Variants in SLCO6A1 observed in about 807,000 individuals in gnomAD.
SLCO6A1 encodes the protein solute carrier organic anion transporter family member 6A1, also known as cancer/testis antigen 48.
A neutral mutation model predicts 72.7 loss-of-function variants in SLCO6A1; 65 were observed. The observed-to-expected ratio is 0.89, with a 90% CI of 0.73 to 1.10. The LOEUF (loss-of-function observed/expected upper bound fraction) is 1.10, where lower values mean the gene tolerates loss of function less well. Ranked by LOEUF, SLCO6A1 falls within the 50% of genes least tolerant of loss-of-function variation. SLCO6A1 has a pLI of 0.00. For synonymous variants in SLCO6A1, 314 were observed against 298.2 expected (o/e 1.05, Z -0.55); for missense variants, 874 against 872.6 (o/e 1.00, Z -0.02).
intron 6 of SLCO6A1, among the ~76,000 whole-genome samples, chr5:102,450,888 T>C (rs891487517): frequency 6.6e-6 from 1 of 152,176 alleles, no homozygotes; most frequent in African/African-American, 2.4e-5. Flanking sequence ...AGTACAGCAC[T>C]CAGACCCTTT....
chr5:102,440,251 G>A (rs1411504726), intron 6 of SLCO6A1, among the ~76,000 whole-genome samples: 1 of 152,108 alleles, frequency 6.6e-6, no homozygotes, highest in East Asian at 1.9e-4. Context: ...AAGAGTAAGA[G>A]GCCAGTCCAT....
At chr5:102,475,245 A>G (rs747324642) in intron 4 of SLCO6A1, among the ~76,000 whole-genome samples, 3 of 152,112 alleles carry the variant, frequency 2.0e-5, no homozygotes, top group Non-Finnish European at 4.4e-5. Flanking sequence ...AATACAGTGG[A>G]GTATTATTCA....
At chr5:102,470,796 A>G (rs1022757054) in intron 4 of SLCO6A1, among the ~76,000 whole-genome samples, 1 of 152,066 alleles carries the variant, frequency 6.6e-6, no homozygotes, top group Non-Finnish European at 1.5e-5. Context: ...GCATCTCTAA[A>G]GAGTCCTATA....
At chr5:102,388,494 T>C (rs890569968) in intron 12 of SLCO6A1, among the ~76,000 whole-genome samples, 194 bp downstream of exon 12, 4 of 152,106 alleles carry the variant, frequency 2.6e-5, no homozygotes, top group African/African-American at 4.8e-5. Flanking sequence ...TGTGACACCA[T>C]ACTCGGCTAT....
intron 4 of SLCO6A1, among the ~76,000 whole-genome samples, chr5:102,461,580 G>A (rs779186226): frequency 6.6e-6 from 1 of 150,946 alleles, no homozygotes; most frequent in Non-Finnish European, 1.5e-5. Context: ...TGTTTGTCAG[G>A]GAATAGATTA....
chr5:102,393,861 T>C (rs1185199901), intron 10 of SLCO6A1, among the ~76,000 whole-genome samples: 1 of 152,176 alleles, frequency 6.6e-6, no homozygotes, highest in Non-Finnish European at 1.5e-5. Flanking sequence ...GATGGAAAGA[T>C]ACAGATACAT....
intron 1 of SLCO6A1, among the ~76,000 whole-genome samples, chr5:102,491,451 G>A (rs1187371537): frequency 1.3e-5 from 2 of 152,232 alleles, no homozygotes; most frequent in African/African-American, 2.4e-5. Flanking sequence ...GGCGGCACTC[G>A]TTGGGGAGGC....
chr5:102,459,069 G>A (rs1750888123), intron 5 of SLCO6A1, among the ~76,000 whole-genome samples: 1 of 152,002 alleles, frequency 6.6e-6, no homozygotes, highest in Non-Finnish European at 1.5e-5. Context: ...TAGATATAAA[G>A]CATCTTTAAA....
intron 6 of SLCO6A1, among the ~76,000 whole-genome samples, chr5:102,448,315 T>C (rs1750227857): frequency 6.6e-6 from 1 of 152,214 alleles, no homozygotes; most frequent in Non-Finnish European, 1.5e-5. Context: ...TTAGAGGATG[T>C]GCCATGTGCA....
At position 102,384,129 on chromosome 5, in the gene SLCO6A1, CTCTT is replaced by C. The variant is rs149300118; in HGVS notation, c.2017+4555_2017+4558del. On this transcript the variant is annotated intron_variant, in intron 12 of 13. Coordinates refer to ENST00000506729, the MANE Select transcript of SLCO6A1 (RefSeq NM_173488.5). ...TTAATTTATTTTAGCAAAAATCCAA[CTCTT>C]TATTTTGTTATTTTTTTCTATTATT... Among the ~76,000 whole-genome samples, 602 of 151,896 alleles carry C rather than the reference CTCTT, an allele frequency of 4.0e-3. 4 individuals are homozygous for C. Among genetic ancestry groups the C allele is most frequent in the African/African-American group, 0.014 (571 of 41,526 alleles).
chr5:102,475,782 A>G lies in SLCO6A1; in HGVS notation c.814T>C (p.Cys272Arg). ...AGAGCATATCCAATCATTGATGTACATTCTGCAATACCTGTAAAATAAGCA... is the reference window on the plus strand; with the variant it reads ...AGAGCATATCCAATCATTGATGTACGTTCTGCAATACCTGTAAAATAAGCA... ...SAGIYLGIAECTSMIGYALGY... is the reference protein window; with the variant it reads ...SAGIYLGIAERTSMIGYALGY... Residue 272 changes from cysteine to arginine, a missense_variant, in exon 4 of 14, where the codon TGT becomes CGT. Coordinates refer to ENST00000506729, the MANE Select transcript of SLCO6A1 (RefSeq NM_173488.5). 6.2e-7 allele frequency: 1 copy of G among 1,605,178 alleles called. No homozygotes were observed. The highest frequency in any genetic ancestry group is 8.5e-7 in the Non-Finnish European group (1 of 1,175,470).
At chr5:102,496,842 A>T (rs1752931845) in intron 1 of SLCO6A1, among the ~76,000 whole-genome samples, 1 of 152,222 alleles carries the variant, frequency 6.6e-6, no homozygotes, top group Non-Finnish European at 1.5e-5. Flanking sequence ...ATTGTGAAAC[A>T]AGCCTTTCTA....
intron 7 of SLCO6A1, among the ~76,000 whole-genome samples, chr5:102,438,145 A>G (rs1472338137): frequency 2.0e-5 from 3 of 152,110 alleles, no homozygotes; most frequent in Admixed American, 6.6e-5. Flanking sequence ...TACATAAACA[A>G]TAGTATACTC....
chr5:102,405,103 T>C (rs1747603308), intron 9 of SLCO6A1, among the ~76,000 whole-genome samples: 1 of 152,104 alleles, frequency 6.6e-6, no homozygotes, highest in South Asian at 2.1e-4. Flanking sequence ...GAGTCCCTTT[T>C]CTGACATAAT....
chr5:102,431,176 C>G lies in SLCO6A1; in HGVS notation c.1276+7441G>C, dbSNP rs544381947. ...CATTTCTAATTGTGTTTATTTGGATCTTCTCTCTTATTAATTTTTCAAAAA... is the reference window on the plus strand; with the variant it reads ...CATTTCTAATTGTGTTTATTTGGATGTTCTCTCTTATTAATTTTTCAAAAA... On this transcript the variant is annotated intron_variant, in intron 7 of 13. Transcript: ENST00000506729. Among the ~76,000 whole-genome samples the G allele has an allele frequency of 2.4e-3, 359 of 149,820 alleles. 5 individuals are homozygous for G. Among genetic ancestry groups the G allele is most frequent in the Non-Finnish European group, 2.7e-3 (178 of 66,568 alleles).
At position 102,459,646 on chromosome 5, in the gene SLCO6A1, T is replaced by G. The variant is rs562604297; in HGVS notation, c.1021+10A>C. ...ATCCTCCAATTTAATAAATTACATTTTATAGTCACCTGGCATATTGTTTGG... is the reference window on the plus strand; with the variant it reads ...ATCCTCCAATTTAATAAATTACATTGTATAGTCACCTGGCATATTGTTTGG... On this transcript the variant is annotated intron_variant, in intron 5 of 13. Transcript: ENST00000506729. 1 of 1,575,606 alleles carries G rather than the reference T, an allele frequency of 6.3e-7. No individual in the cohort carries two copies. Among genetic ancestry groups the G allele is most frequent in the South Asian group, 1.2e-5 (1 of 84,408 alleles).
At chr5:102,433,287 T>C (rs976824042) in intron 7 of SLCO6A1, among the ~76,000 whole-genome samples, 4 of 152,182 alleles carry the variant, frequency 2.6e-5, no homozygotes, top group Non-Finnish European at 5.9e-5. Context: ...CTAAGACTGG[T>C]TAAGGACCCT....
chr5:102,383,929 A>T (rs1746263662), intron 12 of SLCO6A1, among the ~76,000 whole-genome samples: 1 of 151,776 alleles, frequency 6.6e-6, no homozygotes, highest in Non-Finnish European at 1.5e-5. Flanking sequence ...TTTTATGTTT[A>T]TAGGAATTTG....
intron 9 of SLCO6A1, among the ~76,000 whole-genome samples, chr5:102,403,272 T>C (rs1358680080): frequency 6.6e-6 from 1 of 152,192 alleles, no homozygotes; most frequent in African/African-American, 2.4e-5. Context: ...CTGTCTCAGC[T>C]GAGAGGACAT....
Sources: gnomAD v4.1 joint callset for allele counts (sites outside exome capture counted in the v4.1 genomes callset) on GRCh38, gnomAD v4.1.1 for gene constraint, MANE v1.5 for transcripts, NCBI Gene and HGNC (gene_info 2026-07-23, HGNC 2026-07-21) for gene names.